Variants in ANKS1B observed in about 807,000 individuals in gnomAD.
ANKS1B encodes the protein ankyrin repeat and sterile alpha motif domain-containing protein 1B.
A neutral mutation model predicts 148.3 loss-of-function variants in ANKS1B; 36 were observed. The observed-to-expected ratio is 0.24, with a 90% confidence interval of 0.19 to 0.32. ANKS1B has a LOEUF of 0.32. ANKS1B is among the 10% of genes least tolerant of loss of function. The pLI is 1.00. For missense variants in ANKS1B, 1,157 were observed against 1,542.6 expected (o/e 0.75, Z 4.19); for synonymous variants, 542 against 560.8 (o/e 0.97, Z 0.47).
At chr12:99,603,297 T>C (rs1367802611) in intron 9 of ANKS1B, among the ~76,000 whole-genome samples, 1 of 152,144 alleles carries the variant, frequency 6.6e-6, no homozygotes, top group Admixed American at 6.6e-5. Flanking sequence ...AAGGACTCAC[T>C]GTCAAATTTC....
rs192572920 is a variant in ANKS1B, at chr12:99,182,363, T to C, written c.2420-27968A>G. Reference sequence around the variant, plus strand: ...ATCATCATCTTACTCTCTATCTCCATGAGTTAAATTGTTTTAATTTGTAGC... The same window carrying C: ...ATCATCATCTTACTCTCTATCTCCACGAGTTAAATTGTTTTAATTTGTAGC... On this transcript the variant is annotated intron_variant, in intron 14 of 26. Transcript: ENST00000683438. Among the ~76,000 whole-genome samples the C allele has an allele frequency of 2.6e-5, 4 of 152,258 alleles. No homozygotes were observed. In the East Asian group the frequency reaches 7.7e-4, roughly 29 times the overall value.
At chr12:98,761,610 A>G (rs1454141293) in intron 25 of ANKS1B, among the ~76,000 whole-genome samples, 1 of 152,098 alleles carries the variant, frequency 6.6e-6, no homozygotes, top group African/African-American at 2.4e-5. Flanking sequence ...GTGTGTATGT[A>G]TATATATATT....
chr12:99,290,558 A>G (rs1285514321), intron 12 of ANKS1B, among the ~76,000 whole-genome samples: 1 of 152,086 alleles, frequency 6.6e-6, no homozygotes, highest in Non-Finnish European at 1.5e-5. Context: ...GCAACACATT[A>G]AAAAGGTCAT....
At chr12:98,863,929 G>C (rs977713691) in intron 17 of ANKS1B, among the ~76,000 whole-genome samples, 1 of 152,152 alleles carries the variant, frequency 6.6e-6, no homozygotes, top group Non-Finnish European at 1.5e-5. Flanking sequence ...ACGCATACGT[G>C]GCAACAGATT....
At chr12:98,798,080 C>A (rs1195890528) in intron 22 of ANKS1B, among the ~76,000 whole-genome samples, 1 of 151,356 alleles carries the variant, frequency 6.6e-6, no homozygotes, top group Non-Finnish European at 1.5e-5. Context: ...AAATAGACTC[C>A]TAGGAATCAA....
intron 8 of ANKS1B, among the ~76,000 whole-genome samples, chr12:99,727,569 G>C (rs901446651): frequency 1.3e-5 from 2 of 152,156 alleles, no homozygotes; most frequent in African/African-American, 4.8e-5. Flanking sequence ...TCTGCCCAAA[G>C]TAATTTATAG....
intron 16 of ANKS1B, among the ~76,000 whole-genome samples, chr12:99,062,615 T>C (rs2042811860): frequency 6.6e-6 from 1 of 151,952 alleles, no homozygotes; most frequent in Non-Finnish European, 1.5e-5. Flanking sequence ...AAATAGGTCA[T>C]CGGAAATAGG....
intron 12 of ANKS1B, among the ~76,000 whole-genome samples, chr12:99,349,096 G>T (rs1227370795): frequency 1.3e-5 from 2 of 151,616 alleles, no homozygotes; most frequent in Non-Finnish European, 2.9e-5. Flanking sequence ...AAGCTAAGTG[G>T]GTATTAATTC....
At chr12:99,464,220 C>T (rs1360812480) in intron 10 of ANKS1B, among the ~76,000 whole-genome samples, 1 of 152,174 alleles carries the variant, frequency 6.6e-6, no homozygotes, top group African/African-American at 2.4e-5. Context: ...AACAGACCTG[C>T]AGCTGAGGGT....
chr12:98,738,738 G>T (rs1268604382), intron 9 of ANKS1B, among the ~76,000 whole-genome samples: 1 of 152,182 alleles, frequency 6.6e-6, no homozygotes, highest in Non-Finnish European at 1.5e-5. Context: ...ATACTCCTGG[G>T]TTCAGTGGCA....
At chr12:99,289,176 G>A (rs1026603732) in intron 12 of ANKS1B, among the ~76,000 whole-genome samples, 1 of 151,958 alleles carries the variant, frequency 6.6e-6, no homozygotes, top group African/African-American at 2.4e-5. Context: ...TGATAAAAGG[G>A]TTATTATATA....
intron 15 of ANKS1B, among the ~76,000 whole-genome samples, chr12:99,096,768 GA>G (rs2056297462): frequency 6.6e-6 from 1 of 152,152 alleles, no homozygotes; most frequent in Non-Finnish European, 1.5e-5. Context: ...GAAACGGAGG[GA>G]CATGCATTCT....
chr12:98,743,595 C>A (rs1275951328), downstream of ANKS1B, among the ~76,000 whole-genome samples: 1 of 152,120 alleles, frequency 6.6e-6, no homozygotes, highest in Admixed American at 6.6e-5. Context: ...GTCTATGGGG[C>A]TGCTGTGTGT....
chr12:98,843,484 C>T (rs568913486), intron 17 of ANKS1B, among the ~76,000 whole-genome samples: 18 of 152,322 alleles, frequency 1.2e-4, no homozygotes, highest in African/African-American at 4.3e-4. Context: ...CTTGAACTTC[C>T]TAGCCTGCAG....
At chr12:99,602,503 C>T (rs538319281) in intron 9 of ANKS1B, among the ~76,000 whole-genome samples, 1 of 152,172 alleles carries the variant, frequency 6.6e-6, no homozygotes, top group African/African-American at 2.4e-5. Context: ...CCAATTGAGA[C>T]AATTTCTAGA....
chr12:99,467,209 T>C (rs1421975372), intron 10 of ANKS1B, among the ~76,000 whole-genome samples: 2 of 152,194 alleles, frequency 1.3e-5, no homozygotes, highest in Non-Finnish European at 2.9e-5. Context: ...TCTCAATAGA[T>C]GCAGAAAAGG....
intron 1 of ANKS1B, among the ~76,000 whole-genome samples, chr12:99,913,838 T>C (rs7138720): frequency 0.61 from 91,939 of 151,634 alleles, 28,993 homozygotes; most frequent in Middle Eastern, 0.7. Context: ...AAAAAAAAAC[T>C]CAAACAAGTA....
intron 14 of ANKS1B, among the ~76,000 whole-genome samples, chr12:99,237,204 G>A (rs2088157431): frequency 6.6e-6 from 1 of 151,940 alleles, no homozygotes; most frequent in Non-Finnish European, 1.5e-5. Flanking sequence ...AGCCTTTTTT[G>A]TTTGGGGTGT....
In ANKS1B at chr12:98,854,925, C is replaced by T. The variant is rs376669593; in HGVS notation, c.2779-22789G>A. 1.1e-3 allele frequency among the ~76,000 whole-genome samples: 172 copies of T among 151,338 alleles called. 1 individual carries two copies. Among genetic ancestry groups the T allele is most frequent in the Admixed American group, 2.1e-3 (32 of 15,232 alleles). ...CTGTAATCCCAGCACTTTGGGAGGC[C>T]GAGGCGGGTGGATCATGAGGTCAGG... On this transcript the variant is annotated intron_variant, in intron 17 of 26. Transcript: ENST00000683438.
Sources: allele counts gnomAD v4.1 joint callset (sites outside exome capture counted in the v4.1 genomes callset), GRCh38; gene constraint gnomAD v4.1.1; transcripts MANE v1.5; gene names NCBI Gene and HGNC (gene_info 2026-07-23, HGNC 2026-07-21).